Variants in DMXL2 observed in about 807,000 individuals in gnomAD.
DMXL2 encodes Dmx like 2.
A neutral mutation model predicts 331.1 loss-of-function variants in DMXL2; 103 were observed. The ratio of observed to expected loss-of-function variants is 0.31; its 90% CI spans 0.27 to 0.37. The LOEUF (loss-of-function observed/expected upper bound fraction) is 0.37, where lower values mean the gene tolerates loss of function less well. Ranked by LOEUF, DMXL2 falls within the 10% of genes least tolerant of loss-of-function variation. The pLI is 1.00. For synonymous variants in DMXL2, 1,281 were observed against 1,252.1 expected, an observed-to-expected ratio of 1.02 and a Z score of -0.49; for missense variants, 3,171 against 3,642.9, an observed-to-expected ratio of 0.87 and a Z score of 3.33.
At chr15:51,612,069 G>A (rs528283271) in intron 1 of DMXL2, among the ~76,000 whole-genome samples, 87 of 152,226 alleles carry the variant, frequency 5.7e-4, no homozygotes, top group Middle Eastern at 6.8e-3. Flanking sequence ...CATTGACCGC[G>A]AAGGTCTGCG....
chr15:51,554,361 G>A (rs1276880936), intron 6 of DMXL2, among the ~76,000 whole-genome samples: 2 of 152,158 alleles, frequency 1.3e-5, no homozygotes, highest in Non-Finnish European at 2.9e-5. Context: ...TAGGAGTAAT[G>A]GGGTATTTGT....
At chr15:51,589,123 A>T (rs979337239) in intron 1 of DMXL2, among the ~76,000 whole-genome samples, 6 of 152,210 alleles carry the variant, frequency 3.9e-5, no homozygotes, top group Admixed American at 3.3e-4. Context: ...GGAAAAGATG[A>T]GCTAAGCCAA....
At chr15:51,555,060 AG>A (rs2049472275) in intron 6 of DMXL2, among the ~76,000 whole-genome samples, 2 of 152,156 alleles carry the variant, frequency 1.3e-5, no homozygotes, top group South Asian at 4.1e-4. Context: ...TGGGAGGCTG[AG>A]GCACAAGAAT....
rs778042356 is a variant in DMXL2 at position 51,464,627 on chromosome 15, A to T, written c.7808+48T>A. 1.9e-6 allele frequency: 3 copies of T among 1,545,680 alleles called. No homozygotes were observed. The African/African-American group carries it at 4.1e-5, about 21-fold the overall frequency. On this transcript the variant is annotated intron_variant, in intron 32 of 43. Coordinates refer to ENST00000560891, the MANE Select transcript of DMXL2 (RefSeq NM_001378457.1). Reference sequence around the variant, plus strand: ...GGCATATTTAGCCAAACTGTCTTCCAGAAAAGTTAAGCTACGCTCTTTATC... The same window carrying T: ...GGCATATTTAGCCAAACTGTCTTCCTGAAAAGTTAAGCTACGCTCTTTATC...
At chr15:51,457,246 G>C in intron 37 of DMXL2, 82 bp downstream of exon 37, 1 of 1,422,668 alleles carries the variant, frequency 7.0e-7, no homozygotes, top group African/African-American at 1.4e-5. Context: ...CTGAAATTTA[G>C]GATCATTCCT....
At chr15:51,581,219 A>G (rs1443881489) in intron 1 of DMXL2, among the ~76,000 whole-genome samples, 1 of 152,146 alleles carries the variant, frequency 6.6e-6, no homozygotes, top group Non-Finnish European at 1.5e-5. Context: ...CTCAAGCCCT[A>G]TTGTAAACTG....
In DMXL2 at chr15:51,455,155, T is replaced by G; in HGVS notation, c.8600A>C (p.Tyr2867Ser). The change falls in exon 40 of 44, where the codon TAT becomes TCT. Residue 2867 changes from tyrosine to serine, a missense_variant. Tyr to Ser is a moderately radical substitution (Grantham distance 144). Around this residue, in one of 7 missense-constraint regions of DMXL2, gnomAD observed 766 missense variants for 940.5 expected, o/e 0.81. Coordinates refer to ENST00000560891, the MANE Select transcript of DMXL2 (RefSeq NM_001378457.1). ...GGAACATTTAGTGATACTTACCATA[T>G]AAGGTTTAGGATTTGATGCAGTTTG... The part of the protein sequence containing the change: ...VNQTASNPKP[Y>S]MSWQCHSKAT... The G allele has an allele frequency of 6.2e-7, 1 of 1,613,474 alleles. No individual in the cohort carries two copies. The highest frequency in any genetic ancestry group is 8.5e-7 in the Non-Finnish European group (1 of 1,179,420).
chr15:51,461,569 G>C (rs1050148126), intron 33 of DMXL2, among the ~76,000 whole-genome samples: 17 of 152,320 alleles, frequency 1.1e-4, no homozygotes, highest in African/African-American at 3.8e-4. Context: ...TATTGATTAA[G>C]ACAGGGTCTC....
At chr15:51,571,374 C>G (rs188392728) in intron 2 of DMXL2, among the ~76,000 whole-genome samples, 3 of 152,118 alleles carry the variant, frequency 2.0e-5, no homozygotes, top group Non-Finnish European at 4.4e-5. Flanking sequence ...ATAGACACAT[C>G]GACAAGACAG....
chr15:51,556,370 A>G (rs2049588073), intron 6 of DMXL2, among the ~76,000 whole-genome samples: 1 of 151,656 alleles, frequency 6.6e-6, no homozygotes, highest in Admixed American at 6.6e-5. Context: ...AAAAAAAAAA[A>G]AAGATCAGCA....
At chr15:51,529,215 A>G (rs2047860507) in intron 13 of DMXL2, among the ~76,000 whole-genome samples, 1 of 152,176 alleles carries the variant, frequency 6.6e-6, no homozygotes, top group African/African-American at 2.4e-5. Context: ...GAAAAGCAAG[A>G]GCATACCAAA....
chr15:51,484,323 G>A (rs1037751701), intron 23 of DMXL2, among the ~76,000 whole-genome samples: 1 of 152,208 alleles, frequency 6.6e-6, no homozygotes, highest in Admixed American at 6.5e-5. Flanking sequence ...CAGACCCTAA[G>A]CTGGCTGACC....
Position 51,453,629 on chromosome 15 carries a change from G to A in DMXL2, c.8617C>T (p.His2873Tyr). 1 of 1,613,140 alleles carries A rather than the reference G, an allele frequency of 6.2e-7. No individual in the cohort carries two copies. The highest frequency in any genetic ancestry group is 8.5e-7 in the Non-Finnish European group (1 of 1,179,620). ...GCAAAGTCACTTGTGGCTTTACTGT[G>A]GCACTGCCAACTCTACGAAAAACAA... ...NPKPYMSWQC[H>Y]SKATSDFAFI... Residue 2873 changes from histidine to tyrosine, a missense_variant, in exon 41 of 44, where the codon CAC becomes TAC. Transcript: ENST00000560891.
In DMXL2 at chr15:51,476,766, A is replaced by G. The variant is rs777397504; in HGVS notation, c.6834-47T>C. Reference sequence around the variant, plus strand: ...ATTTATCATCCTGAGAGGTAATAAAAAATTGCACTTTATGTATATCATCTA... The same window carrying G: ...ATTTATCATCCTGAGAGGTAATAAAGAATTGCACTTTATGTATATCATCTA... On this transcript the variant is annotated intron_variant, in intron 26 of 43. Transcript: ENST00000560891. 3.3e-6 allele frequency: 5 copies of G among 1,514,152 alleles called. No homozygotes were observed. The Admixed American group carries it at 1.2e-4, about 37-fold the overall frequency. The allele number at this position is 1,514,152 out of a possible 1,614,324, so 93.8% of individuals were successfully genotyped here. A position where few individuals can be genotyped will look rare whatever the true frequency, so the allele number is the denominator to read the frequency against.
rs769093211 is a variant in DMXL2 at position 51,563,414 on chromosome 15, A to T, written c.534T>A (p.Ser178=). 1.2e-6 allele frequency: 2 copies of T among 1,609,820 alleles called. No homozygotes were observed. Among genetic ancestry groups the T allele is most frequent in the Non-Finnish European group, 1.7e-6 (2 of 1,178,246 alleles). ...TSVSVHLMEW[S]PDGEYFATAG... is the part of the protein sequence containing the mutation. ...CAGTAGCAAAATATTCACCATCAGG[A>T]GACCATTCCATCAAATGTACAGATA... is the stretch of plus-strand genomic sequence containing the variant. The change falls in exon 6 of 44, where the codon TCT becomes TCA. Residue 178 remains serine, a synonymous_variant. Transcript: ENST00000560891.
chr15:51,621,255 C>A (rs59739807), intron 1 of DMXL2, among the ~76,000 whole-genome samples: 324 of 152,352 alleles, frequency 2.1e-3, no homozygotes, highest in African/African-American at 7.2e-3. Context: ...AAAAAGCAAT[C>A]TTCTGGGGTT....
At chr15:51,512,103 A>G (rs2046790747) in intron 15 of DMXL2, among the ~76,000 whole-genome samples, 1 of 152,166 alleles carries the variant, frequency 6.6e-6, no homozygotes, top group South Asian at 2.1e-4. Flanking sequence ...TGATGGGTTG[A>G]TAGGTGCAGC....
intron 14 of DMXL2, among the ~76,000 whole-genome samples, chr15:51,515,872 C>G (rs1486994082): frequency 6.6e-6 from 1 of 152,152 alleles, no homozygotes; most frequent in Non-Finnish European, 1.5e-5. Context: ...AGCCAACCCA[C>G]TCTTCTACAT....
intron 1 of DMXL2, among the ~76,000 whole-genome samples, chr15:51,601,784 T>C (rs1190974197): frequency 6.6e-6 from 1 of 152,230 alleles, no homozygotes; most frequent in African/African-American, 2.4e-5. Flanking sequence ...AAAATTCTCT[T>C]AAAATTTTGA....
Sources: allele counts gnomAD v4.1 joint callset (sites outside exome capture counted in the v4.1 genomes callset), GRCh38; gene constraint gnomAD v4.1.1; regional missense constraint gnomAD v4.1.1; transcripts MANE v1.5; gene names NCBI Gene and HGNC (gene_info 2026-07-23, HGNC 2026-07-21).